The following SLC44A1 variants were observed in gnomAD, a reference collection of about 807,000 sequenced individuals.
SLC44A1 encodes the protein solute carrier family 44 member 1, also known as choline transporter-like protein 1.
SLC44A1 carries 26 observed loss-of-function variants against 79.3 expected under a neutral mutation model. The ratio of observed to expected loss-of-function variants is 0.33; its 90% CI spans 0.24 to 0.46. The LOEUF is 0.46. Among genes scored for constraint, SLC44A1 ranks in the 20% least tolerant of loss-of-function variants. The pLI is 1.00. For synonymous variants in SLC44A1, 263 were observed against 286.2 expected (o/e 0.92, Z 0.82); for missense variants, 688 against 798.1 (o/e 0.86, Z 1.66).
At chr9:105,400,191 G>A (rs890310923), downstream of SLC44A1, among the ~76,000 whole-genome samples, 2 of 148,994 alleles carry the variant, frequency 1.3e-5, no homozygotes, top group African/African-American at 2.5e-5. Context: ...GTGAAACTCC[G>A]TCTCAAAAGA....
intron 15 of SLC44A1, among the ~76,000 whole-genome samples, chr9:105,411,444 C>CTGTG (rs1386640647): frequency 6.9e-6 from 1 of 144,752 alleles, no homozygotes; most frequent in African/African-American, 2.7e-5. Flanking sequence ...CTTGGTCTCT[C>CTGTG]TCTGTGTATG....
Position 105,348,340 on chromosome 9 carries a change from T to TA in SLC44A1, c.407-16dup. 1 of 1,439,968 alleles carries TA rather than the reference T, an allele frequency of 6.9e-7. No individual in the cohort carries two copies. Among genetic ancestry groups the TA allele is most frequent in the African/African-American group, 1.4e-5 (1 of 71,352 alleles). The allele number at this position is 1,439,968 out of a possible 1,614,324, so 89.2% of individuals were successfully genotyped here. A position where few individuals can be genotyped will look rare whatever the true frequency, so the allele number is the denominator to read the frequency against. ...TTTCAGACTGTTCTGCCACCTAACA[T>TA]AATTTTTCTTTCAACAGGTTCAGCC... On this transcript the variant is annotated splice_polypyrimidine_tract_variant and intron_variant, in intron 4 of 15. Transcript: ENST00000374720.
At chr9:105,290,243 A>C (rs1034572000) in intron 1 of SLC44A1, among the ~76,000 whole-genome samples, 1 of 152,214 alleles carries the variant, frequency 6.6e-6, no homozygotes, top group Non-Finnish European at 1.5e-5. Context: ...TACACCCATT[A>C]ACAGTCTGGA....
intron 12 of SLC44A1, among the ~76,000 whole-genome samples, chr9:105,371,720 CAAAAAAAA>C (rs776993058): frequency 3.2e-5 from 3 of 94,286 alleles, no homozygotes; most frequent in African/African-American, 4.3e-5. Context: ...CTCCATCTCA[CAAAAAAAA>C]AAAAAAAAAA....
rs929138863 is a variant in SLC44A1, at chr9:105,337,354, G to A, written c.406+1655G>A. Among the ~76,000 whole-genome samples the A allele has an allele frequency of 3.9e-5, 6 of 152,166 alleles. No individual in the cohort carries two copies. The South Asian group carries it at 6.2e-4, about 16-fold the overall frequency. ...CATCTATGAAATAGGGACGATATTC[G>A]TACCTAATATACTTCATAGGATGGT... On this transcript the variant is annotated intron_variant, in intron 4 of 15. Transcript: ENST00000374720.
intron 15 of SLC44A1, among the ~76,000 whole-genome samples, chr9:105,419,349 C>T (rs1326015272): frequency 6.6e-6 from 1 of 152,110 alleles, no homozygotes; most frequent in Non-Finnish European, 1.5e-5. Context: ...GTTTAATAAG[C>T]TCACAGGATA....
intron 15 of SLC44A1, among the ~76,000 whole-genome samples, chr9:105,386,907 C>T (rs1467461500): frequency 5.5e-5 from 8 of 145,788 alleles, no homozygotes; most frequent in African/African-American, 1.5e-4. Flanking sequence ...GGCATGGCGG[C>T]GTGTGCCTAT....
chr9:105,394,268 C>T lies in SLC44A1; in HGVS notation c.*5212C>T. The T allele has an allele frequency of 2.0e-6, 2 of 985,332 alleles. No individual in the cohort carries two copies. Among genetic ancestry groups the T allele is most frequent in the Non-Finnish European group, 2.4e-6 (2 of 829,910 alleles). 61.0% of individuals were successfully genotyped at this position (985,332 alleles called of 1,614,324 possible). A position where few individuals can be genotyped will look rare whatever the true frequency, so the allele number is the denominator to read the frequency against. Reference sequence around the variant, plus strand: ...TGAGATGATGCTTACCACCTTCTGACCTGGAATCATTTTTATAACTTAAAG... The same window carrying T: ...TGAGATGATGCTTACCACCTTCTGATCTGGAATCATTTTTATAACTTAAAG... On this transcript the variant is annotated 3_prime_UTR_variant, in exon 16 of 16. Transcript: ENST00000374720.
chr9:105,359,351 A>G (rs1182374681), intron 7 of SLC44A1, among the ~76,000 whole-genome samples: 4 of 152,190 alleles, frequency 2.6e-5, no homozygotes, highest in African/African-American at 9.6e-5. Context: ...AAGAATAAAC[A>G]ATGACCTTAG....
chr9:105,304,352 G>A lies in SLC44A1; in HGVS notation c.126+5043G>A, dbSNP rs78696414. Among the ~76,000 whole-genome samples, 961 of 152,132 alleles carry A rather than the reference G, an allele frequency of 6.3e-3. 15 individuals are homozygous for A. Among genetic ancestry groups the A allele is most frequent in the African/African-American group, 0.022 (927 of 41,486 alleles). On this transcript the variant is annotated intron_variant, in intron 2 of 15. Transcript: ENST00000374720. ...ACAACATTCCAAAAATTACCATAAG[G>A]TTACCTGATCCAAATGACTTGCTAC...
At chr9:105,244,967 G>A in intron 1 of SLC44A1, 63 bp downstream of exon 1, 3 of 863,120 alleles carry the variant, frequency 3.5e-6, no homozygotes, top group South Asian at 1.1e-4. Flanking sequence ...GTCGCGCGGC[G>A]GGCGCCCGCC....
intron 15 of SLC44A1, among the ~76,000 whole-genome samples, chr9:105,424,963 GAAAA>G (rs1476696743): frequency 1.5e-5 from 2 of 131,006 alleles, no homozygotes; most frequent in Admixed American, 7.1e-5. Context: ...AAAAAAAAAA[GAAAA>G]GAAAGAAAGA....
At chr9:105,300,968 C>T (rs2131291752) in intron 2 of SLC44A1, among the ~76,000 whole-genome samples, 1 of 152,074 alleles carries the variant, frequency 6.6e-6, no homozygotes, top group East Asian at 1.9e-4. Flanking sequence ...TGGGGTTTCA[C>T]CGTGTTGGCC....
intron 2 of SLC44A1, among the ~76,000 whole-genome samples, chr9:105,302,689 A>T (rs1320174210): frequency 6.6e-6 from 1 of 152,028 alleles, no homozygotes; most frequent in East Asian, 1.9e-4. Context: ...AAAAAAAAAA[A>T]ACCTAATTCC....
At position 105,268,152 on chromosome 9, in the gene SLC44A1, A is replaced by C. The variant is rs145581957; in HGVS notation, c.36+23248A>C. 5.5e-3 allele frequency among the ~76,000 whole-genome samples: 837 copies of C among 152,264 alleles called. 11 individuals carry two copies. The highest frequency in any genetic ancestry group is 0.019 in the African/African-American group (801 of 41,548). On this transcript the variant is annotated intron_variant, in intron 1 of 15. Transcript: ENST00000374720. Reference sequence around the variant, plus strand: ...GAGGGGCAGTTGTCCAACTGCACAGAAGATCTGAATGCTCTCATGCAACCC... The same window carrying C: ...GAGGGGCAGTTGTCCAACTGCACAGCAGATCTGAATGCTCTCATGCAACCC...
At chr9:105,298,894 C>A (rs1369023801) in intron 1 of SLC44A1, among the ~76,000 whole-genome samples, 1 of 152,128 alleles carries the variant, frequency 6.6e-6, no homozygotes, top group African/African-American at 2.4e-5. Context: ...TTCCTTATGA[C>A]ACTCACAGTC....
rs975102715 is a variant in SLC44A1, at chr9:105,391,161, G to T, written c.*2105G>T. 1.0e-6 allele frequency: 1 copy of T among 985,724 alleles called. No individual in the cohort carries two copies. The highest frequency in any genetic ancestry group is 4.7e-5 in the South Asian group (1 of 21,278). The allele number at this position is 985,724 out of a possible 1,614,324, so 61.1% of individuals were successfully genotyped here. A position where few individuals can be genotyped will look rare whatever the true frequency, so the allele number is the denominator to read the frequency against. ...AGGTGTCCCTCCAAAGTGACCTGAT[G>T]GAAGTCCTGAACTTGGAAATTAGGT... On this transcript the variant is annotated 3_prime_UTR_variant, in exon 16 of 16. Coordinates refer to ENST00000374720, the MANE Select transcript of SLC44A1 (RefSeq NM_080546.5).
At chr9:105,292,041 C>T (rs528207531) in intron 1 of SLC44A1, among the ~76,000 whole-genome samples, 1 of 152,100 alleles carries the variant, frequency 6.6e-6, no homozygotes, top group Non-Finnish European at 1.5e-5. Flanking sequence ...AATGGTTGGT[C>T]TCTTACTTGT....
chr9:105,376,788 G>C lies in SLC44A1; in HGVS notation c.1632+2053G>C, dbSNP rs917942795. Among the ~76,000 whole-genome samples, 10 of 152,266 alleles carry C rather than the reference G, an allele frequency of 6.6e-5. 1 individual carries two copies. Among genetic ancestry groups the C allele is most frequent in the East Asian group, 3.9e-4 (2 of 5,190 alleles). On this transcript the variant is annotated intron_variant, in intron 13 of 15. Transcript: ENST00000374720. ...CTGATTAAGATACTTTGGGTACCAGGCAATGAGTGAAGGGCTTTTGTTAAG... is the reference window on the plus strand; with the variant it reads ...CTGATTAAGATACTTTGGGTACCAGCCAATGAGTGAAGGGCTTTTGTTAAG...
Sources: allele counts gnomAD v4.1 joint callset (sites outside exome capture counted in the v4.1 genomes callset), GRCh38; gene constraint gnomAD v4.1.1; transcripts MANE v1.5; gene names NCBI Gene and HGNC (gene_info 2026-07-23, HGNC 2026-07-21).